KRR1: variants seen among roughly 807,000 people sequenced by gnomAD.
KRR1 encodes the protein KRR1 small subunit processome component, also known as KRR1 small subunit processome component homolog.
A neutral mutation model predicts 50.0 loss-of-function variants in KRR1; 23 were observed. That is an observed-to-expected ratio of 0.46 (90% CI 0.33 to 0.65). The LOEUF (loss-of-function observed/expected upper bound fraction) is 0.65, where lower values mean the gene tolerates loss of function less well. Among genes scored for constraint, KRR1 ranks in the 30% least tolerant of loss-of-function variants. The pLI, the probability that KRR1 is intolerant of heterozygous loss-of-function variation, is 0.02. For missense variants in KRR1, 419 were observed against 442.4 expected, an observed-to-expected ratio of 0.95 and a Z score of 0.47; for synonymous variants, 133 against 146.3, an observed-to-expected ratio of 0.91 and a Z score of 0.66.
chr12:75,499,788 A>T lies in KRR1; in HGVS notation c.*21T>A. The T allele has an allele frequency of 6.4e-7, 1 of 1,570,262 alleles. No individual in the cohort carries two copies. Among genetic ancestry groups the T allele is most frequent in the South Asian group, 1.2e-5 (1 of 85,134 alleles). The stretch of plus-strand genomic sequence containing the variant: ...ATCCTTTACAAAAGGAGATAGTTCT[A>T]GTCAAGGAGTTTTGGGTATGTTACT... On this transcript the variant is annotated 3_prime_UTR_variant, in exon 10 of 10. Transcript: ENST00000229214.
In KRR1 at chr12:75,498,796, A is replaced by C; in HGVS notation, c.*1013T>G. The C allele has an allele frequency of 6.2e-7, 1 of 1,611,602 alleles. No individual in the cohort carries two copies. Among genetic ancestry groups the C allele is most frequent in the Non-Finnish European group, 8.5e-7 (1 of 1,177,970 alleles). On this transcript the variant is annotated 3_prime_UTR_variant, in exon 10 of 10. Coordinates refer to ENST00000229214, the MANE Select transcript of KRR1 (RefSeq NM_007043.7). ...CAGTGCATTATGAGGAACAATGTCT[A>C]AGAGGATATTCTATGTTTGTTTCAC...
chr12:75,509,586 CTTTTTTT>C (rs895198427), intron 1 of KRR1, among the ~76,000 whole-genome samples: 3 of 131,256 alleles, frequency 2.3e-5, no homozygotes, highest in African/African-American at 5.7e-5. Flanking sequence ...ATACACATTT[CTTTTTTT>C]TTTTTTTTTT....
intron 7 of KRR1, chr12:75,503,093 C>T (rs528469024): frequency 1.1e-4 from 17 of 152,164 alleles, no homozygotes; most frequent in African/African-American, 4.1e-4. Context: ...CAAGAACCCC[C>T]AGGAGACAGG....
rs35071517 is a variant in KRR1 at position 75,506,616 on chromosome 12, C to CAA, written c.394-9_394-8dup. ...CCTGAAGAATTCGTACTGCCTTTTGCAAAAAAAAAAAAAAAAAGAAGACAT... is the reference window on the plus strand; with the variant it reads ...CCTGAAGAATTCGTACTGCCTTTTGCAAAAAAAAAAAAAAAAAAAGAAGACAT... On this transcript the variant is annotated splice_polypyrimidine_tract_variant and splice_region_variant and intron_variant, in intron 3 of 9. Coordinates refer to ENST00000229214, the MANE Select transcript of KRR1 (RefSeq NM_007043.7). 7.1e-3 allele frequency: 9,667 copies of CAA among 1,366,998 alleles called. 34 individuals carry two copies. The highest frequency in any genetic ancestry group is 0.026 in the South Asian group (1,677 of 64,280). The allele number at this position is 1,366,998 out of a possible 1,614,324, so 84.7% of individuals were successfully genotyped here.
chr12:75,502,859 C>T (rs144269856), intron 7 of KRR1: 18 of 152,152 alleles, frequency 1.2e-4, no homozygotes, highest in African/African-American at 3.9e-4. Context: ...TTAATGACTG[C>T]ATCACTCCAC....
chr12:75,500,007 A>G, intron 9 of KRR1, 56 bp from the exon 10 acceptor site: 3 of 1,361,640 alleles, frequency 2.2e-6, no homozygotes, highest in Non-Finnish European at 3.0e-6. Context: ...CAAGTAAAAC[A>G]AAGAATATAT....
In KRR1 at chr12:75,499,023, T is replaced by A. The variant is rs764954912; in HGVS notation, c.*786A>T. On this transcript the variant is annotated 3_prime_UTR_variant, in exon 10 of 10. Transcript: ENST00000229214. ...AACCCAAAAACCAACCTCATTCACA[T>A]ATGGCTTTTTTTTTAACCAATAACA... The A allele has an allele frequency of 1.5e-6, 2 of 1,364,610 alleles. No homozygotes were observed. The highest frequency in any genetic ancestry group is 2.0e-6 in the Non-Finnish European group (2 of 1,011,128). 84.5% of individuals were successfully genotyped at this position (1,364,610 alleles called of 1,614,324 possible). A position where few individuals can be genotyped will look rare whatever the true frequency, so the allele number is the denominator to read the frequency against.
chr12:75,508,014 G>A (rs903333484), intron 2 of KRR1, among the ~76,000 whole-genome samples: 1 of 152,050 alleles, frequency 6.6e-6, no homozygotes, highest in Non-Finnish European at 1.5e-5. Flanking sequence ...CTTCACAGGT[G>A]AATTTCAGAC....
At position 75,501,972 on chromosome 12, in the gene KRR1, T is replaced by TA. The variant is rs1278017309; in HGVS notation, c.859dup (p.Tyr287LeufsTer19). 1.9e-6 allele frequency: 3 copies of TA among 1,612,124 alleles called. No homozygotes were observed. The highest frequency in any genetic ancestry group is 8.5e-7 in the Non-Finnish European group (1 of 1,179,056). ...CTTCTTCTGATTTGCCTTCAAAAAGTATTCACCACTAGCCAATTCTTTATC... is the reference window on the plus strand; with the variant it reads ...CTTCTTCTGATTTGCCTTCAAAAAGTAATTCACCACTAGCCAATTCTTTATC... On this transcript the variant is annotated frameshift_variant, in exon 8 of 10. Transcript: ENST00000229214. LOFTEE classifies it high-confidence loss of function.
At chr12:75,503,261 G>A (rs190425638) in intron 7 of KRR1, 1 of 152,176 alleles carries the variant, frequency 6.6e-6, no homozygotes. Flanking sequence ...GGCACTGAGA[G>A]AATTAAGAGG....
intron 2 of KRR1, 100 bp downstream of exon 2, chr12:75,508,174 G>T: frequency 4.1e-6 from 3 of 740,084 alleles, no homozygotes; most frequent in Non-Finnish European, 4.1e-6. Context: ...AGCTATGTTA[G>T]CACCATTAAA....
chr12:75,508,876 T>A (rs2046434317), intron 1 of KRR1, among the ~76,000 whole-genome samples: 1 of 152,230 alleles, frequency 6.6e-6, no homozygotes, highest in East Asian at 1.9e-4. Context: ...AATCTGGATG[T>A]ATGTGTTTGT....
Position 75,495,513 on chromosome 12 carries a change from A to G in KRR1, c.*4296T>C, listed in dbSNP as rs991444868. On this transcript the variant is annotated 3_prime_UTR_variant, in exon 10 of 10. Transcript: ENST00000229214. ...TTCTTCTGGATTTAGTTAAGGATTC[A>G]TAGTAAATTGCAATTTTAAAAAACC... 3 of 807,690 alleles carry G rather than the reference A, an allele frequency of 3.7e-6. No individual in the cohort carries two copies. The highest frequency in any genetic ancestry group is 1.7e-5 in the African/African-American group (1 of 58,970). 50.0% of individuals were successfully genotyped at this position (807,690 alleles called of 1,614,324 possible).
At position 75,506,897 on chromosome 12, in the gene KRR1, T is replaced by G; in HGVS notation, c.278A>C (p.Asp93Ala). The change falls in exon 3 of 10, where the codon GAC (aspartate) becomes GCC (alanine). Residue 93 changes from aspartate to alanine, a missense_variant. Coordinates refer to ENST00000229214, the MANE Select transcript of KRR1 (RefSeq NM_007043.7). ...AACAGTCATGCTGCCTTCGATCAGG[T>G]CCAGGGTTGCATTAACATGCTACAG... ...LNEHHVNATL[D>A]LIEGSMTVCT... 3 of 1,603,442 alleles carry G rather than the reference T, an allele frequency of 1.9e-6. No homozygotes were observed. Among genetic ancestry groups the G allele is most frequent in the Non-Finnish European group, 1.7e-6 (2 of 1,176,488 alleles).
At chr12:75,502,123 G>A (rs2046398677) in intron 7 of KRR1, 123 bp from the exon 8 acceptor site, 8 of 771,594 alleles carry the variant, frequency 1.0e-5, no homozygotes, top group African/African-American at 1.7e-5. Flanking sequence ...AATAAAAATG[G>A]TAGTGACATA....
chr12:75,505,136 G>T (rs2046416134), intron 6 of KRR1, 62 bp downstream of exon 6: 1 of 1,417,928 alleles, frequency 7.1e-7, no homozygotes, highest in Admixed American at 2.4e-5. Context: ...TTTCAAGAAA[G>T]GTTTCTGTAG....
chr12:75,500,037 T>G, intron 9 of KRR1, 86 bp from the exon 10 acceptor site: 1 of 1,021,534 alleles, frequency 9.8e-7, no homozygotes, highest in African/African-American at 1.7e-5. Flanking sequence ...AGAATATATG[T>G]TTAAGGCAGT....
intron 2 of KRR1, 119 bp from the exon 3 acceptor site, chr12:75,507,035 C>T: frequency 1.3e-6 from 1 of 766,150 alleles, no homozygotes; most frequent in South Asian, 2.3e-5. Context: ...TCAATTACTT[C>T]CCTGAAGAAG....
intron 8 of KRR1, 21 bp from the exon 9 acceptor site, chr12:75,501,837 T>C: frequency 6.4e-7 from 1 of 1,574,014 alleles, no homozygotes; most frequent in African/African-American, 1.4e-5. Context: ...AAATAAAAAA[T>C]ATATCAGTTA....
Sources: allele counts gnomAD v4.1 joint callset (sites outside exome capture counted in the v4.1 genomes callset), GRCh38; gene constraint gnomAD v4.1.1; transcripts MANE v1.5; gene names NCBI Gene and HGNC (gene_info 2026-07-23, HGNC 2026-07-21).